TEAD2: variants seen among roughly 807,000 people sequenced by gnomAD.
TEAD2 encodes transcriptional enhancer factor TEF-4.
In TEAD2, 51 loss-of-function variants were observed where a neutral mutation model predicts 61.4. That is an observed-to-expected ratio of 0.83 (90% CI 0.66 to 1.05). The LOEUF is 1.05. TEAD2 is among the 50% of genes least tolerant of loss of function. TEAD2 has a pLI of 0.00. For missense variants in TEAD2, 509 were observed against 600.0 expected, an observed-to-expected ratio of 0.85 and a Z score of 1.58; for synonymous variants, 244 against 243.2, an observed-to-expected ratio of 1.00 and a Z score of -0.03.
chr19:49,343,293 T>G lies in TEAD2; in HGVS notation c.1027A>C (p.Met343Leu). ...VSSQYESLEHMTLTCSSKVCS... is the reference protein window; with the variant it reads ...VSSQYESLEHLTLTCSSKVCS... Reference sequence around the variant, plus strand: ...ACCTTGGAGGAACAGGTGAGGGTCATGTGTTCCAGGCTCTCATACTGGCTG... The same window carrying G: ...ACCTTGGAGGAACAGGTGAGGGTCAGGTGTTCCAGGCTCTCATACTGGCTG... The change falls in exon 11 of 13, where the codon ATG (methionine) becomes CTG (leucine). Residue 343 changes from methionine to leucine, a missense_variant. Physicochemically the swap from Met to Leu is conservative, Grantham distance 15. Coordinates refer to ENST00000593945, the MANE Select transcript of TEAD2 (RefSeq NM_001256660.2). 6.2e-7 allele frequency: 1 copy of G among 1,614,002 alleles called. No individual in the cohort carries two copies. The highest frequency in any genetic ancestry group is 8.5e-7 in the Non-Finnish European group (1 of 1,179,984).
At position 49,341,413 on chromosome 19, in the gene TEAD2, C is replaced by T; in HGVS notation, c.1267G>A (p.Glu423Lys). The change falls in exon 13 of 13, where the codon GAA becomes AAA. Residue 423 changes from glutamate (E) to lysine (K), a missense_variant. Transcript: ENST00000593945. This position sits in a 1 kb window ranked among gnomAD's most constrained non-coding sequence, Gnocchi z 4.2. ...ACATAGGCGGTGCAGAGCAGCAGTTCCTGGGTGTCTCTGTTTGTCACCACC... is the reference window on the plus strand; with the variant it reads ...ACATAGGCGGTGCAGAGCAGCAGTTTCTGGGTGTCTCTGTTTGTCACCACC... The part of the protein sequence containing the change: ...LQVVTNRDTQ[E>K]LLLCTAYVFE... The T allele has an allele frequency of 6.8e-6, 11 of 1,613,996 alleles. No individual in the cohort carries two copies. Among genetic ancestry groups the T allele is most frequent in the Non-Finnish European group, 9.3e-6 (11 of 1,179,940 alleles).
At chr19:49,342,322 T>C in intron 12 of TEAD2, 116 bp downstream of exon 12, 1 of 1,367,060 alleles carries the variant, frequency 7.3e-7, no homozygotes, top group Non-Finnish European at 1.0e-6. Context: ...AGGGCTCACT[T>C]TGGAGTCCCT....
At chr19:49,342,400 A>G in intron 12 of TEAD2, 38 bp downstream of exon 12, 2 of 1,606,760 alleles carry the variant, frequency 1.2e-6, no homozygotes. Flanking sequence ...GTCCCTCCAC[A>G]CTGGGGGGCC....
At chr19:49,352,944 G>A (rs1168697736) in intron 7 of TEAD2, among the ~76,000 whole-genome samples, 12 of 152,028 alleles carry the variant, frequency 7.9e-5, no homozygotes, top group Admixed American at 7.9e-4. Context: ...CTGTCTTACT[G>A]CTGTGCCCCC....
chr19:49,340,599 T>A lies in TEAD2; in HGVS notation c.*725A>T, dbSNP rs1971198026. On this transcript the variant is annotated 3_prime_UTR_variant, in exon 13 of 13. Transcript: ENST00000593945. Reference sequence around the variant, plus strand: ...ACCTCAAATAAATCCCCTGCGTTTTTGGTAAAATAGCTTTATCCTCTGTCA... The same window carrying A: ...ACCTCAAATAAATCCCCTGCGTTTTAGGTAAAATAGCTTTATCCTCTGTCA... 2 of 581,210 alleles carry A rather than the reference T, an allele frequency of 3.4e-6. No individual in the cohort carries two copies. Among genetic ancestry groups the A allele is most frequent in the Non-Finnish European group, 6.2e-6 (2 of 324,892 alleles). The allele number at this position is 581,210 out of a possible 1,614,324, so 36.0% of individuals were successfully genotyped here. A position where few individuals can be genotyped will look rare whatever the true frequency, so the allele number is the denominator to read the frequency against.
Position 49,360,078 on chromosome 19 carries a change from G to T in TEAD2, c.-3C>A. The T allele has an allele frequency of 6.2e-7, 1 of 1,602,884 alleles. No homozygotes were observed. Among genetic ancestry groups the T allele is most frequent in the South Asian group, 1.1e-5 (1 of 90,964 alleles). On this transcript the variant is annotated 5_prime_UTR_variant, in exon 2 of 13. Transcript: ENST00000593945. ...GCCCCAGCCCGGGGTTCCCCCATCT[G>T]GGCCTGGAGGAACACAGAACTCAGC...
At chr19:49,357,225 T>A in intron 4 of TEAD2, 27 bp downstream of exon 4, 1 of 1,451,766 alleles carries the variant, frequency 6.9e-7, no homozygotes, top group Non-Finnish European at 9.5e-7. Context: ...TCTGTCCCCC[T>A]CTCAGGATGT....
chr19:49,354,603 G>T (rs1013992454), intron 7 of TEAD2, among the ~76,000 whole-genome samples: 11 of 151,726 alleles, frequency 7.2e-5, no homozygotes, highest in Non-Finnish European at 1.3e-4. Flanking sequence ...GGCTCTCTCA[G>T]AACTGAAAAG....
At chr19:49,351,461 G>C (rs1972019514) in intron 7 of TEAD2, 96 bp from the exon 8 acceptor site, 2 of 1,148,784 alleles carry the variant, frequency 1.7e-6, no homozygotes, top group South Asian at 3.0e-5. Context: ...AAGACCCTGT[G>C]CATTTTGTGC....
At chr19:49,343,512 G>A in intron 10 of TEAD2, 114 bp from the exon 11 acceptor site, 1 of 1,251,008 alleles carries the variant, frequency 8.0e-7, no homozygotes, top group Non-Finnish European at 1.1e-6. Context: ...GGCCGAGGCG[G>A]GCGGATCACC....
At chr19:49,360,751 A>AG (rs372619339) in intron 1 of TEAD2, among the ~76,000 whole-genome samples, 45 of 62,600 alleles carry the variant, frequency 7.2e-4, no homozygotes, top group Middle Eastern at 0.013. Context: ...AGACCCAGAG[A>AG]GGGAGGGGGA....
chr19:49,346,061 A>G (rs1971607415), intron 10 of TEAD2, among the ~76,000 whole-genome samples: 2 of 147,302 alleles, frequency 1.4e-5, no homozygotes, highest in Admixed American at 6.9e-5. Context: ...GCTACTTGGG[A>G]GGCTGAGGCT....
intron 1 of TEAD2, among the ~76,000 whole-genome samples, chr19:49,362,062 T>C (rs1377919532): frequency 6.6e-6 from 1 of 151,646 alleles, no homozygotes; most frequent in Non-Finnish European, 1.5e-5. Flanking sequence ...ACACAAGGGG[T>C]CCTTCTCACT....
intron 7 of TEAD2, among the ~76,000 whole-genome samples, chr19:49,351,991 A>G (rs1972055290): frequency 6.6e-6 from 1 of 151,912 alleles, no homozygotes; most frequent in East Asian, 1.9e-4. Context: ...CAAAAAAAAA[A>G]TAAAAAGAAA....
At chr19:49,355,260 C>T (rs1378029450) in intron 6 of TEAD2, 52 bp downstream of exon 6, 3 of 1,612,942 alleles carry the variant, frequency 1.9e-6, no homozygotes, top group Non-Finnish European at 2.5e-6. Flanking sequence ...ACAGCTGCAG[C>T]CCCATCCATC....
At chr19:49,353,558 A>T (rs546291457) in intron 7 of TEAD2, among the ~76,000 whole-genome samples, 2 of 152,264 alleles carry the variant, frequency 1.3e-5, no homozygotes, top group East Asian at 3.9e-4. Flanking sequence ...TGATGATTTG[A>T]TGAACGCTCA....
intron 7 of TEAD2, 138 bp from the exon 8 acceptor site, chr19:49,351,503 G>T: frequency 1.3e-6 from 1 of 759,912 alleles, no homozygotes; most frequent in Non-Finnish European, 2.1e-6. Flanking sequence ...AGTGCGTGAG[G>T]TAGGTAGAAT....
intron 1 of TEAD2, 112 bp downstream of exon 1, chr19:49,362,221 G>A (rs79421387): frequency 0.2 from 30,312 of 152,474 alleles, 3,433 homozygotes; most frequent in Non-Finnish European, 0.25. Flanking sequence ...GCTCGGTCAC[G>A]GGAGCAAATT....
chr19:49,351,446 C>A (rs1371855567), intron 7 of TEAD2, 81 bp from the exon 8 acceptor site: 1 of 1,316,012 alleles, frequency 7.6e-7, no homozygotes. Flanking sequence ...GAGGCCACAA[C>A]AAGCAAGACC....
Sources: allele counts gnomAD v4.1 joint callset (sites outside exome capture counted in the v4.1 genomes callset), GRCh38; gene constraint gnomAD v4.1.1; non-coding constraint Gnocchi (gnomAD v3.1); transcripts MANE v1.5; gene names NCBI Gene and HGNC (gene_info 2026-07-23, HGNC 2026-07-21).